The following SUDS3 variants were observed in gnomAD, a reference collection of about 807,000 sequenced individuals.
SUDS3 encodes the protein sin3 histone deacetylase corepressor complex component SDS3.
SUDS3 carries 23 observed loss-of-function variants against 53.5 expected under a neutral mutation model. That is an observed-to-expected ratio of 0.43 (90% CI 0.31 to 0.61). The LOEUF (loss-of-function observed/expected upper bound fraction) is 0.61, where lower values mean the gene tolerates loss of function less well. SUDS3 is among the 20% of genes least tolerant of loss of function. SUDS3 has a pLI of 0.10. For missense variants in SUDS3, 291 were observed against 405.9 expected (o/e 0.72, Z 2.43); for synonymous variants, 150 against 148.5 (o/e 1.01, Z -0.08).
intron 4 of SUDS3, among the ~76,000 whole-genome samples, chr12:118,386,804 AAAGTT>A (rs1387273620): frequency 2.6e-5 from 4 of 152,206 alleles, no homozygotes; most frequent in Non-Finnish European, 5.9e-5. Context: ...TATAACGTGT[AAAGTT>A]AAGGAACACC....
chr12:118,376,975 G>A (rs990313113), intron 1 of SUDS3, 142 bp downstream of exon 1: 16 of 1,137,542 alleles, frequency 1.4e-5, no homozygotes, highest in Non-Finnish European at 1.9e-5. Flanking sequence ...GGGGCTCGGG[G>A]AAGTTACCCC....
At chr12:118,398,322 G>A (rs747924835) in intron 6 of SUDS3, among the ~76,000 whole-genome samples, 51 of 152,130 alleles carry the variant, frequency 3.4e-4, no homozygotes, top group Non-Finnish European at 3.8e-4. Flanking sequence ...TCACACAGCC[G>A]TTGCAGGGAT....
chr12:118,411,694 G>A (rs2046361253), intron 11 of SUDS3, among the ~76,000 whole-genome samples: 1 of 151,754 alleles, frequency 6.6e-6, no homozygotes, highest in African/African-American at 2.4e-5. Flanking sequence ...GTAGAGATGG[G>A]GTTTCACCAC....
intron 6 of SUDS3, among the ~76,000 whole-genome samples, chr12:118,393,844 T>C (rs2046190021): frequency 6.6e-6 from 1 of 151,920 alleles, no homozygotes; most frequent in East Asian, 1.9e-4. Flanking sequence ...CTAATTTTTG[T>C]ATTTTTAGTA....
rs1848969072 is a variant in SUDS3, at chr12:118,415,006, C to G, written c.*573C>G. 1 of 152,292 alleles carries G rather than the reference C, an allele frequency of 6.6e-6. No individual in the cohort carries two copies. Among genetic ancestry groups the G allele is most frequent in the Admixed American group, 6.5e-5 (1 of 15,290 alleles). The allele number at this position is 152,292 out of a possible 1,614,324, so 9.4% of individuals were successfully genotyped here. A position where few individuals can be genotyped will look rare whatever the true frequency, so the allele number is the denominator to read the frequency against. On this transcript the variant is annotated 3_prime_UTR_variant, in exon 12 of 12. Transcript: ENST00000543473. ...ATGCTTTGTGTAACATCTGTGCACA[C>G]CATCCATTCCGCTCGCTGAGCGATG...
At chr12:118,410,177 C>T (rs751119970) in intron 10 of SUDS3, among the ~76,000 whole-genome samples, 27 of 152,202 alleles carry the variant, frequency 1.8e-4, no homozygotes, top group Non-Finnish European at 2.9e-4. Context: ...TGTCCCCAGC[C>T]TCCAGCATAG....
chr12:118,402,823 T>A lies in SUDS3; in HGVS notation c.698-589T>A, dbSNP rs77281042. 2.6e-5 allele frequency among the ~76,000 whole-genome samples: 4 copies of A among 151,648 alleles called. No homozygotes were observed. The East Asian group carries it at 7.8e-4, about 30-fold the overall frequency. The stretch of plus-strand genomic sequence containing the variant: ...GTCGCCAGGCTGGAGTGCAGTGGCG[T>A]GAACTCGGCTCAGTGCAACCTCCGA... On this transcript the variant is annotated intron_variant, in intron 9 of 11. Transcript: ENST00000543473.
At chr12:118,380,626 G>A (rs2046048465) in intron 2 of SUDS3, among the ~76,000 whole-genome samples, 1 of 152,192 alleles carries the variant, frequency 6.6e-6, no homozygotes, top group African/African-American at 2.4e-5. Context: ...ACTTTGTTGA[G>A]TACTCTCTAG....
At chr12:118,403,567 G>A (rs2046283390) in intron 10 of SUDS3, 50 bp downstream of exon 10, 1 of 1,428,932 alleles carries the variant, frequency 7.0e-7, no homozygotes, top group East Asian at 2.4e-5. Context: ...TGAACCACTT[G>A]GAAAGAGGGC....
chr12:118,404,457 C>T (rs1402129751), intron 10 of SUDS3: 1 of 152,214 alleles, frequency 6.6e-6, no homozygotes, highest in Non-Finnish European at 1.5e-5. Flanking sequence ...GACCGCCTAG[C>T]ATTTTTCATT....
chr12:118,376,823 G>T lies in SUDS3; in HGVS notation c.132G>T (p.Glu44Asp). 6.5e-7 allele frequency: 1 copy of T among 1,544,100 alleles called. No individual in the cohort carries two copies. Among genetic ancestry groups the T allele is most frequent in the Non-Finnish European group, 8.7e-7 (1 of 1,152,020 alleles). Residue 44 changes from glutamate to aspartate, a missense_variant, in exon 1 of 12, where the codon GAG becomes GAT. Physicochemically the swap from Glu to Asp is conservative, Grantham distance 45. Transcript: ENST00000543473. ...EDDERSCRGR[E>D]SDEDTEDASE... ...ACGAGCGCAGCTGTCGGGGCCGCGA[G>T]TCGGACGAAGGTGAGTCCTGCCGCT...
At chr12:118,402,096 C>A in intron 9 of SUDS3, 92 bp downstream of exon 9, 1 of 1,462,480 alleles carries the variant, frequency 6.8e-7, no homozygotes, top group Non-Finnish European at 9.5e-7. Context: ...TTGCAATTTT[C>A]AAAAATGAAA....
intron 4 of SUDS3, among the ~76,000 whole-genome samples, chr12:118,389,669 C>T (rs2046147720): frequency 6.6e-6 from 1 of 152,160 alleles, no homozygotes; most frequent in South Asian, 2.1e-4. Flanking sequence ...GCGCCTGCCA[C>T]CATGCCTGGC....
chr12:118,409,560 C>T (rs184449181), intron 10 of SUDS3, among the ~76,000 whole-genome samples: 122 of 152,342 alleles, frequency 8.0e-4, no homozygotes, highest in Admixed American at 3.7e-3. Context: ...GGAAAAAGCT[C>T]ATTATGGGAG....
chr12:118,388,287 T>C (rs939342422), intron 4 of SUDS3, among the ~76,000 whole-genome samples: 8 of 152,222 alleles, frequency 5.3e-5, no homozygotes, highest in Non-Finnish European at 1.0e-4. Flanking sequence ...AATCTGGGGT[T>C]CCTAGAACTG....
chr12:118,389,606 G>A (rs1566199973), intron 4 of SUDS3, among the ~76,000 whole-genome samples: 1 of 151,760 alleles, frequency 6.6e-6, no homozygotes, highest in African/African-American at 2.4e-5. Flanking sequence ...CTGCCGCTCA[G>A]GTTCAAGTGA....
chr12:118,379,144 A>C (rs2046030487), intron 1 of SUDS3, among the ~76,000 whole-genome samples: 1 of 150,632 alleles, frequency 6.6e-6, no homozygotes, highest in Non-Finnish European at 1.5e-5. Context: ...GATGATTTAA[A>C]GTGTACTGTT....
intron 5 of SUDS3, among the ~76,000 whole-genome samples, chr12:118,390,662 C>T (rs142430969): frequency 2.6e-5 from 4 of 152,276 alleles, no homozygotes; most frequent in Non-Finnish European, 4.4e-5. Flanking sequence ...ATTTGAAAAG[C>T]GGAGGCATAT....
chr12:118,407,526 T>C (rs1433395076), intron 10 of SUDS3, among the ~76,000 whole-genome samples: 1 of 152,134 alleles, frequency 6.6e-6, no homozygotes, highest in Non-Finnish European at 1.5e-5. Flanking sequence ...CAGCTTGCAT[T>C]GTTTACTCTG....
Sources: gnomAD v4.1 joint callset for allele counts (sites outside exome capture counted in the v4.1 genomes callset) on GRCh38, gnomAD v4.1.1 for gene constraint, MANE v1.5 for transcripts, NCBI Gene and HGNC (gene_info 2026-07-23, HGNC 2026-07-21) for gene names.